The following LGALS3BP variants were observed in gnomAD, a reference collection of about 807,000 sequenced individuals.
LGALS3BP encodes galectin 3 binding protein.
LGALS3BP carries 25 observed loss-of-function variants against 22.9 expected under a neutral mutation model. That is an observed-to-expected ratio of 1.09 (90% CI 0.80 to 1.53). LGALS3BP has a LOEUF of 1.53. LGALS3BP is among the 40% of genes most tolerant of loss of function. The pLI is 0.00. For missense variants in LGALS3BP, 718 were observed against 752.0 expected (o/e 0.95, Z 0.53); for synonymous variants, 335 against 331.1 (o/e 1.01, Z -0.13).
intron 3 of LGALS3BP, among the ~76,000 whole-genome samples, 174 bp downstream of exon 3, chr17:78,975,791 C>CAAAAAAAAAAAAAAAAAAAAA (rs60470107): frequency 1.9e-5 from 1 of 52,216 alleles, no homozygotes; most frequent in African/African-American, 6.8e-5. Context: ...GACTCCATCT[C>CAAAAAAAAAAAAAAAAAAAAA]AAAAAAAAAA....
In LGALS3BP at chr17:78,971,642, C is replaced by A. The variant is rs940409589; in HGVS notation, c.1692G>T (p.Gly564=). ...KSTSSFPCPA[G]HFNGFRTVIR... is the part of the protein sequence containing the mutation. ...TGACCGTGCGGAAGCCGTTGAAGTG[C>A]CCTGCCGGGCAGGGGAAGGAGGAGG... The change falls in exon 6 of 6, where the codon GGG becomes GGT. Residue 564 remains glycine (G), a synonymous_variant. Transcript: ENST00000262776. This position sits in a 1 kb window ranked among gnomAD's most constrained non-coding sequence, Gnocchi z 5.6. 1.2e-6 allele frequency: 2 copies of A among 1,613,670 alleles called. No homozygotes were observed. Among genetic ancestry groups the A allele is most frequent in the Admixed American group, 3.3e-5 (2 of 60,020 alleles).
In LGALS3BP at chr17:78,972,620, C is replaced by T; in HGVS notation, c.714G>A (p.Gln238=). Residue 238 remains glutamine, a synonymous_variant, in exon 6 of 6, where the codon CAG becomes CAA. Coordinates refer to ENST00000262776, the MANE Select transcript of LGALS3BP (RefSeq NM_005567.4). This position sits in a 1 kb window ranked among gnomAD's most constrained non-coding sequence, Gnocchi z 5.1. ...AGAGGCTTGCGCAGTAGCCCTGCAGCTGCCTGGCCCCATAGGCAGAGGCCA... is the reference window on the plus strand; with the variant it reads ...AGAGGCTTGCGCAGTAGCCCTGCAGTTGCCTGGCCCCATAGGCAGAGGCCA... ...HKLASAYGAR[Q]LQGYCASLFA... 6.4e-7 allele frequency: 1 copy of T among 1,564,902 alleles called. No individual in the cohort carries two copies. The highest frequency in any genetic ancestry group is 8.7e-7 in the Non-Finnish European group (1 of 1,154,586).
rs760099446 is a variant in LGALS3BP at position 78,972,592 on chromosome 17, C to T, written c.742G>A (p.Ala248Thr). ...GAGGGGTCCTGGGGGAGGAGGATGGCAAAGAGGCTTGCGCAGTAGCCCTGC... is the reference window on the plus strand; with the variant it reads ...GAGGGGTCCTGGGGGAGGAGGATGGTAAAGAGGCTTGCGCAGTAGCCCTGC... ...QLQGYCASLFAILLPQDPSFQ... is the reference protein window; with the variant it reads ...QLQGYCASLFTILLPQDPSFQ... Residue 248 changes from alanine (A) to threonine (T), a missense_variant, in exon 6 of 6, where the codon GCC (alanine) becomes ACC (threonine). Physicochemically the swap from Ala to Thr is moderately conservative, Grantham distance 58. Transcript: ENST00000262776. This position sits in a 1 kb window ranked among gnomAD's most constrained non-coding sequence, Gnocchi z 5.1. The T allele has an allele frequency of 9.4e-6, 15 of 1,596,970 alleles. No individual in the cohort carries two copies. The highest frequency in any genetic ancestry group is 5.1e-5 in the Admixed American group (3 of 58,814).
Position 78,973,202 on chromosome 17 carries a change from G to A in LGALS3BP, c.397C>T (p.Leu133=), listed in dbSNP as rs770456799. Residue 133 remains leucine, a synonymous_variant, in exon 5 of 6, where the codon CTG becomes TTG. Transcript: ENST00000262776. This position sits in a 1 kb window ranked among gnomAD's most constrained non-coding sequence, Gnocchi z 5.8. ...TCCGAGAGCTCCCTGGAGAGGTCCA[G>A]GGTGTGGGTGCTCCTGGTTTCTAAG... ...CTNETRSTHT[L]DLSRELSEAL... 1 of 1,560,808 alleles carries A rather than the reference G, an allele frequency of 6.4e-7. No individual in the cohort carries two copies. Among genetic ancestry groups the A allele is most frequent in the Admixed American group, 1.9e-5 (1 of 52,540 alleles).
At chr17:78,979,124 G>A (rs1203878123) in intron 1 of LGALS3BP, among the ~76,000 whole-genome samples, 1 of 152,060 alleles carries the variant, frequency 6.6e-6, no homozygotes, top group Non-Finnish European at 1.5e-5. Flanking sequence ...CCCTTTGTGT[G>A]GCAGCGGCTA....
rs764135260 is a variant in LGALS3BP at position 78,971,547 on chromosome 17, C to T, written c.*29G>A. 10 of 1,591,144 alleles carry T rather than the reference C, an allele frequency of 6.3e-6. No individual in the cohort carries two copies. The highest frequency in any genetic ancestry group is 3.5e-5 in the Admixed American group (2 of 57,560). On this transcript the variant is annotated 3_prime_UTR_variant, in exon 6 of 6. Coordinates refer to ENST00000262776, the MANE Select transcript of LGALS3BP (RefSeq NM_005567.4). This position sits in a 1 kb window ranked among gnomAD's most constrained non-coding sequence, Gnocchi z 5.6. Reference sequence around the variant, plus strand: ...GCAGTGAGGGCGTCCTGGGGTTCTCCGGTTCTCACCACCCTTGGGCCACGC... The same window carrying T: ...GCAGTGAGGGCGTCCTGGGGTTCTCTGGTTCTCACCACCCTTGGGCCACGC...
Position 78,972,024 on chromosome 17 carries a change from C to A in LGALS3BP, c.1310G>T (p.Gly437Val). 1 of 1,614,018 alleles carries A rather than the reference C, an allele frequency of 6.2e-7. No individual in the cohort carries two copies. Among genetic ancestry groups the A allele is most frequent in the South Asian group, 1.1e-5 (1 of 91,078 alleles). The change falls in exon 6 of 6, where the codon GGG becomes GTG. Residue 437 changes from glycine (G) to valine (V), a missense_variant. Gly to Val is a moderately radical substitution (Grantham distance 109). Coordinates refer to ENST00000262776, the MANE Select transcript of LGALS3BP (RefSeq NM_005567.4). The surrounding 1 kb of genome is among the most constrained non-coding windows in gnomAD (Gnocchi z 5.1). ...KSQLVYQSRR[G>V]PLVKYSSDYF... ...ATCAGAAGAATATTTGACCAAAGGC[C>A]CCCGTCTGGACTGATAGACCAGTTG...
intron 4 of LGALS3BP, among the ~76,000 whole-genome samples, chr17:78,974,384 C>G (rs2070700884): frequency 1.3e-5 from 2 of 152,224 alleles, no homozygotes; most frequent in Non-Finnish European, 2.9e-5. Flanking sequence ...CATTTCAGGT[C>G]AGGCTGGAGC....
In LGALS3BP at chr17:78,972,197, C is replaced by A; in HGVS notation, c.1137G>T (p.Gln379His). Residue 379 changes from glutamine to histidine, a missense_variant, in exon 6 of 6, where the codon CAG (glutamine) becomes CAT (histidine). Physicochemically the swap from Gln to His is conservative, Grantham distance 24. Transcript: ENST00000262776. The surrounding 1 kb of genome is among the most constrained non-coding windows in gnomAD (Gnocchi z 5.1). The part of the protein sequence containing the change: ...HEALFQKKTL[Q>H]ALEFHTVPFQ... Reference sequence around the variant, plus strand: ...AGGGCACAGTGTGGAATTCCAGGGCCTGCAGAGTCTTCTTCTGGAACAGGG... The same window carrying A: ...AGGGCACAGTGTGGAATTCCAGGGCATGCAGAGTCTTCTTCTGGAACAGGG... 1 of 1,614,018 alleles carries A rather than the reference C, an allele frequency of 6.2e-7. No homozygotes were observed. The highest frequency in any genetic ancestry group is 1.1e-5 in the South Asian group (1 of 91,074).
intron 1 of LGALS3BP, among the ~76,000 whole-genome samples, chr17:78,977,747 G>A (rs974185414): frequency 3.3e-5 from 5 of 152,206 alleles, no homozygotes; most frequent in Non-Finnish European, 5.9e-5. Flanking sequence ...TCAGGAGAGG[G>A]CACAGAATCC....
At chr17:78,974,568 C>A in intron 4 of LGALS3BP, 120 bp downstream of exon 4, 2 of 1,183,826 alleles carry the variant, frequency 1.7e-6, no homozygotes, top group Non-Finnish European at 2.4e-6. Flanking sequence ...AGTGGGCAGG[C>A]GGTAGTGGAA....
At chr17:78,975,849 G>A in intron 3 of LGALS3BP, 116 bp downstream of exon 3, 2 of 360,136 alleles carry the variant, frequency 5.6e-6, no homozygotes, top group South Asian at 4.1e-5. Context: ...AAATTAATAG[G>A]AATCCAATTT....
intron 1 of LGALS3BP, chr17:78,977,434 G>A: frequency 1.9e-6 from 1 of 520,960 alleles, no homozygotes; most frequent in Admixed American, 3.6e-5. Context: ...GGAAGGATGT[G>A]TAACACTTGG....
chr17:78,974,101 G>A (rs753122213), intron 4 of LGALS3BP, among the ~76,000 whole-genome samples: 58 of 152,386 alleles, frequency 3.8e-4, no homozygotes, highest in East Asian at 2.7e-3. Context: ...GATTCGACCC[G>A]TCCTGCCTTA....
At position 78,971,614 on chromosome 17, in the gene LGALS3BP, G is replaced by A. The variant is rs370418817; in HGVS notation, c.1720C>T (p.Arg574Cys). Residue 574 changes from arginine (R) to cysteine (C), a missense_variant, in exon 6 of 6, where the codon CGC (arginine) becomes TGC (cysteine). Arg to Cys is a radical substitution (Grantham distance 180). Coordinates refer to ENST00000262776, the MANE Select transcript of LGALS3BP (RefSeq NM_005567.4). The surrounding 1 kb of genome is among the most constrained non-coding windows in gnomAD (Gnocchi z 5.6). ...GHFNGFRTVI[R>C]PFYLTNSSGV... The stretch of plus-strand genomic sequence containing the variant: ...GAGGAGTTGGTCAGGTAGAAGGGGC[G>A]GATGACCGTGCGGAAGCCGTTGAAG... The A allele has an allele frequency of 7.4e-6, 12 of 1,613,558 alleles. 1 individual carries two copies. Among genetic ancestry groups the A allele is most frequent in the Admixed American group, 6.7e-5 (4 of 60,008 alleles).
Position 78,974,750 on chromosome 17 carries a change from G to A in LGALS3BP, c.314C>T (p.Ser105Phe), listed in dbSNP as rs1302742921. The A allele has an allele frequency of 6.2e-7, 1 of 1,613,754 alleles. No homozygotes were observed. The highest frequency in any genetic ancestry group is 1.1e-5 in the South Asian group (1 of 91,076). The change falls in exon 4 of 6, where the codon TCC (serine) becomes TTC (phenylalanine). Residue 105 changes from serine to phenylalanine, a missense_variant. Ser to Phe is a radical substitution (Grantham distance 155, BLOSUM62 -2). Coordinates refer to ENST00000262776, the MANE Select transcript of LGALS3BP (RefSeq NM_005567.4). ...GTEASLADCK[S>F]LGWLKSNCRH... The stretch of plus-strand genomic sequence containing the variant: ...GCAGTTGCTCTTCAGCCAGCCCAGG[G>A]ACTTGCAGTCGGCCAGTGAGGCCTC...
chr17:78,976,242 T>C lies in LGALS3BP; in HGVS notation c.53-86A>G. 1 of 1,218,806 alleles carries C rather than the reference T, an allele frequency of 8.2e-7. No individual in the cohort carries two copies. Among genetic ancestry groups the C allele is most frequent in the Middle Eastern group, 2.1e-4 (1 of 4,720 alleles). The allele number at this position is 1,218,806 out of a possible 1,614,324, so 75.5% of individuals were successfully genotyped here. A position where few individuals can be genotyped will look rare whatever the true frequency, so the allele number is the denominator to read the frequency against. The stretch of plus-strand genomic sequence containing the variant: ...CAGGCCCCATATGCTGTCCTGGGTC[T>C]CCCCTGCTGAGCTTGTATTTCAGGG... On this transcript the variant is annotated intron_variant, in intron 2 of 5. Coordinates refer to ENST00000262776, the MANE Select transcript of LGALS3BP (RefSeq NM_005567.4). The surrounding 1 kb of genome is among the most constrained non-coding windows in gnomAD (Gnocchi z 4.6).
At position 78,971,401 on chromosome 17, in the gene LGALS3BP, GACCCT is replaced by G. The variant is rs2070668434; in HGVS notation, c.*170_*174del. ...TGAGGTGGTGGGAGAACTCCTGGTG[GACCCT>G]AGTGGAAGCCTTCCAGTAATTTCTT... On this transcript the variant is annotated 3_prime_UTR_variant, in exon 6 of 6. Coordinates refer to ENST00000262776, the MANE Select transcript of LGALS3BP (RefSeq NM_005567.4). The surrounding 1 kb of genome is among the most constrained non-coding windows in gnomAD (Gnocchi z 5.6). The G allele has an allele frequency of 1.6e-6, 1 of 620,336 alleles. No homozygotes were observed. Among genetic ancestry groups the G allele is most frequent in the Non-Finnish European group, 2.8e-6 (1 of 359,238 alleles). 38.4% of individuals were successfully genotyped at this position (620,336 alleles called of 1,614,324 possible). A position where few individuals can be genotyped will look rare whatever the true frequency, so the allele number is the denominator to read the frequency against.
rs1426818048 is a variant in LGALS3BP at position 78,972,025 on chromosome 17, C to G, written c.1309G>C (p.Gly437Arg). ...KSQLVYQSRR[G>R]PLVKYSSDYF... ...TCAGAAGAATATTTGACCAAAGGCCCCCGTCTGGACTGATAGACCAGTTGT... is the reference window on the plus strand; with the variant it reads ...TCAGAAGAATATTTGACCAAAGGCCGCCGTCTGGACTGATAGACCAGTTGT... The change falls in exon 6 of 6, where the codon GGG (glycine) becomes CGG (arginine). Residue 437 changes from glycine to arginine, a missense_variant. By Grantham distance (125) the Gly-to-Arg change is moderately radical. Coordinates refer to ENST00000262776, the MANE Select transcript of LGALS3BP (RefSeq NM_005567.4). The surrounding 1 kb of genome is among the most constrained non-coding windows in gnomAD (Gnocchi z 5.1). 13 of 1,613,910 alleles carry G rather than the reference C, an allele frequency of 8.1e-6. No homozygotes were observed. The highest frequency in any genetic ancestry group is 1.1e-5 in the Non-Finnish European group (13 of 1,180,020).
Sources: gnomAD v4.1 joint callset for allele counts (sites outside exome capture counted in the v4.1 genomes callset) on GRCh38, gnomAD v4.1.1 for gene constraint, Gnocchi (gnomAD v3.1) non-coding constraint, MANE v1.5 for transcripts, NCBI Gene and HGNC (gene_info 2026-07-23, HGNC 2026-07-21) for gene names.